The following COG6 variants were observed in gnomAD, a reference collection of about 807,000 sequenced individuals.
The protein encoded by COG6 is conserved oligomeric Golgi complex subunit 6.
COG6 carries 74 observed loss-of-function variants against 88.8 expected under a neutral mutation model. That is an observed-to-expected ratio of 0.83 (90% CI 0.69 to 1.01). The LOEUF is 1.01. COG6 is among the 50% of genes least tolerant of loss of function. COG6 has a pLI of 0.00. For missense variants in COG6, 800 were observed against 797.9 expected, an observed-to-expected ratio of 1.00 and a Z score of -0.03; for synonymous variants, 286 against 278.7, an observed-to-expected ratio of 1.03 and a Z score of -0.26.
At position 39,730,760 on chromosome 13, in the gene COG6, C is replaced by A. The variant is rs530711686; in HGVS notation, c.1826+3212C>A. Among the ~76,000 whole-genome samples, 14 of 53,704 alleles carry A rather than the reference C, an allele frequency of 2.6e-4. No individual in the cohort carries two copies. The South Asian group carries it at 9.8e-3, about 38-fold the overall frequency. 35.2% of individuals were successfully genotyped at this position (53,704 alleles called of 152,430 possible). On this transcript the variant is annotated intron_variant, in intron 18 of 18. Transcript: ENST00000455146. Reference sequence around the variant, plus strand: ...CTGCCCTCCAGCCTGGGCGACAGAGCAAGACTCCATCTCAAAAAAAAAAAA... The same window carrying A: ...CTGCCCTCCAGCCTGGGCGACAGAGAAAGACTCCATCTCAAAAAAAAAAAA...
At chr13:39,742,381 T>G (rs1880092397) in intron 18 of COG6, among the ~76,000 whole-genome samples, 1 of 152,032 alleles carries the variant, frequency 6.6e-6, no homozygotes, top group Admixed American at 6.5e-5. Context: ...GAGACACACA[T>G]AGGCTCAAAA....
chr13:39,706,060 T>A (rs1431764808), intron 13 of COG6, among the ~76,000 whole-genome samples: 1 of 151,600 alleles, frequency 6.6e-6, no homozygotes, highest in Non-Finnish European at 1.5e-5. Context: ...ACATGTTAGT[T>A]TGCAGTCCTA....
intron 12 of COG6, among the ~76,000 whole-genome samples, chr13:39,697,954 G>A (rs933424183): frequency 2.6e-5 from 4 of 151,958 alleles, no homozygotes; most frequent in African/African-American, 9.7e-5. Context: ...AACTGTATAA[G>A]AGAGTTTAAC....
At chr13:39,685,778 G>A (rs1382006391) in intron 8 of COG6, among the ~76,000 whole-genome samples, 2 of 152,150 alleles carry the variant, frequency 1.3e-5, no homozygotes, top group African/African-American at 4.8e-5. Flanking sequence ...ATAGCAATGA[G>A]CATTTTGGTT....
At chr13:39,769,990 G>A (rs192683868) in intron 18 of COG6, among the ~76,000 whole-genome samples, 7 of 152,214 alleles carry the variant, frequency 4.6e-5, no homozygotes, top group African/African-American at 7.2e-5. Context: ...TAAGCAGCCC[G>A]AACTAACTAA....
At chr13:39,748,712 T>A (rs550545790) in intron 18 of COG6, among the ~76,000 whole-genome samples, 1 of 152,264 alleles carries the variant, frequency 6.6e-6, no homozygotes, top group Non-Finnish European at 1.5e-5. Flanking sequence ...AGAAAGGTAG[T>A]ACAACCAGTA....
At chr13:39,789,282 A>G (rs1881867730) in exon 19 of COG6, 1 of 152,230 alleles carries the variant, frequency 6.6e-6, no homozygotes, top group South Asian at 2.1e-4. Flanking sequence ...AGTAATACAC[A>G]GTATGAATTT....
Position 39,727,514 on chromosome 13 carries a change from C to A in COG6, c.1792C>A (p.Pro598Thr), listed in dbSNP as rs1369338867. Residue 598 changes from proline to threonine, a missense_variant, in exon 18 of 19, where the codon CCA becomes ACA. Transcript: ENST00000455146. ...GTCAGCCCCAGACAACCTATTGATA[C>A]CACAGCTGAACTTTCTTCTAAGTGC... Reference protein sequence around the residue: ...YLSAPDNLLIPQLNFLLSATV... With the variant: ...YLSAPDNLLITQLNFLLSATV... 5 of 1,613,284 alleles carry A rather than the reference C, an allele frequency of 3.1e-6. No homozygotes were observed. The highest frequency in any genetic ancestry group is 4.2e-6 in the Non-Finnish European group (5 of 1,179,418).
chr13:39,678,931 A>ATTC (rs1876137942), intron 5 of COG6, among the ~76,000 whole-genome samples: 1 of 151,964 alleles, frequency 6.6e-6, no homozygotes, highest in Non-Finnish European at 1.5e-5. Flanking sequence ...TATTATTATT[A>ATTC]TTATTATTTT....
At chr13:39,705,399 A>G (rs890347745) in intron 13 of COG6, among the ~76,000 whole-genome samples, 2 of 152,160 alleles carry the variant, frequency 1.3e-5, no homozygotes, top group Non-Finnish European at 2.9e-5. Flanking sequence ...TGAGTATTCA[A>G]GTAGGCATAC....
At chr13:39,760,833 T>C (rs1593478896) in intron 18 of COG6, among the ~76,000 whole-genome samples, 1 of 152,168 alleles carries the variant, frequency 6.6e-6, no homozygotes, top group South Asian at 2.1e-4. Flanking sequence ...TGTGAATAAA[T>C]TTATGTATTT....
chr13:39,708,177 C>G (rs1055488748), intron 13 of COG6, among the ~76,000 whole-genome samples: 9 of 152,100 alleles, frequency 5.9e-5, no homozygotes, highest in African/African-American at 2.2e-4. Context: ...GATGTACTTT[C>G]TTTTGAAGTT....
At chr13:39,721,701 A>G (rs1878859230) in intron 15 of COG6, among the ~76,000 whole-genome samples, 1 of 152,110 alleles carries the variant, frequency 6.6e-6, no homozygotes, top group Non-Finnish European at 1.5e-5. Flanking sequence ...CAAAGTAACA[A>G]TTTACCTTGT....
intron 17 of COG6, among the ~76,000 whole-genome samples, chr13:39,725,186 A>T (rs1015765045): frequency 1.3e-5 from 2 of 151,882 alleles, no homozygotes; most frequent in Non-Finnish European, 2.9e-5. Context: ...CATAGGAATG[A>T]TCCCTTTTGG....
At chr13:39,677,642 G>T in intron 5 of COG6, 63 bp downstream of exon 5, 1 of 956,984 alleles carries the variant, frequency 1.0e-6, no homozygotes, top group South Asian at 1.7e-5. Flanking sequence ...GAGAGAAATT[G>T]CTTTTTTGAA....
At chr13:39,714,576 C>A (rs557906922) in intron 13 of COG6, among the ~76,000 whole-genome samples, 61 of 151,982 alleles carry the variant, frequency 4.0e-4, no homozygotes, top group African/African-American at 1.4e-3. Flanking sequence ...TGAGACACCA[C>A]CTTACTCTTG....
chr13:39,692,755 T>G (rs1877053257), intron 11 of COG6, among the ~76,000 whole-genome samples: 1 of 152,040 alleles, frequency 6.6e-6, no homozygotes, highest in African/African-American at 2.4e-5. Flanking sequence ...TGCCTGAAGC[T>G]CATTTTGCTA....
intron 3 of COG6, 92 bp downstream of exon 3, chr13:39,660,973 G>A: frequency 1.3e-6 from 1 of 772,694 alleles, no homozygotes; most frequent in Admixed American, 1.9e-5. Context: ...AATCCATAAT[G>A]CCCTGTAGGA....
chr13:39,656,179 A>C, intron 1 of COG6: 1 of 551,960 alleles, frequency 1.8e-6, no homozygotes, highest in Non-Finnish European at 3.5e-6. Flanking sequence ...TGTCCTCCAA[A>C]CACCCCTGGA....
Sources: gnomAD v4.1 joint callset for allele counts (sites outside exome capture counted in the v4.1 genomes callset) on GRCh38, gnomAD v4.1.1 for gene constraint, MANE v1.5 for transcripts, NCBI Gene and HGNC (gene_info 2026-07-23, HGNC 2026-07-21) for gene names.